Variants in MCTP2 observed in about 807,000 individuals in gnomAD.
MCTP2 encodes multiple C2 and transmembrane domain containing 2, also known as multiple C2 and transmembrane domain-containing protein 2.
A neutral mutation model predicts 111.6 loss-of-function variants in MCTP2; 132 were observed. The observed-to-expected ratio is 1.18, with a 90% CI of 1.03 to 1.37. MCTP2 has a LOEUF of 1.37. Among genes scored for constraint, MCTP2 ranks in the 40% most tolerant of loss-of-function variants. MCTP2 has a pLI of 0.00. For synonymous variants in MCTP2, 395 were observed against 387.7 expected (o/e 1.02, Z -0.22); for missense variants, 1,183 against 1,067.9 (o/e 1.11, Z -1.50).
Position 94,245,488 on chromosome 15 carries a change from A to G in MCTP2, c.-66+13824A>G, listed in dbSNP as rs1362077907. Among the ~76,000 whole-genome samples the G allele has an allele frequency of 2.1e-5, 3 of 140,962 alleles. No homozygotes were observed. In the Admixed American group the frequency reaches 2.2e-4, roughly 10 times the overall value. 92.5% of individuals were successfully genotyped at this position (140,962 alleles called of 152,430 possible). ...TATACATATATGTATATATACATAC[A>G]TGTATGTATTTATATATGTATACAT... On this transcript the variant is annotated intron_variant, in intron 1 of 22. Transcript: ENST00000357742.
At chr15:94,246,091 C>T (rs1022645072) in intron 1 of MCTP2, among the ~76,000 whole-genome samples, 3 of 151,940 alleles carry the variant, frequency 2.0e-5, no homozygotes, top group African/African-American at 7.3e-5. Flanking sequence ...GGGGAGAGGT[C>T]GTCACTTTTA....
At chr15:94,388,387 T>C (rs947408472) in intron 14 of MCTP2, among the ~76,000 whole-genome samples, 1 of 152,202 alleles carries the variant, frequency 6.6e-6, no homozygotes, top group Non-Finnish European at 1.5e-5. Context: ...GAAGTGATCA[T>C]ATCTTCTAGT....
At chr15:94,341,574 A>T (rs2077642916) in intron 7 of MCTP2, 1 of 152,190 alleles carries the variant, frequency 6.6e-6, no homozygotes, top group South Asian at 2.1e-4. Context: ...ATTTATAATT[A>T]GGTCTCCAGT....
chr15:94,404,305 T>G (rs1183019180), intron 17 of MCTP2, among the ~76,000 whole-genome samples: 1 of 88,690 alleles, frequency 1.1e-5, no homozygotes, highest in Admixed American at 9.2e-5. Flanking sequence ...TTTTTTATTG[T>G]TTTTTTTTTT....
intron 14 of MCTP2, among the ~76,000 whole-genome samples, chr15:94,390,107 T>C (rs1394188909): frequency 8.8e-5 from 3 of 33,970 alleles, no homozygotes; most frequent in African/African-American, 1.5e-4. Context: ...TATATATATA[T>C]ATATATGTAT....
At chr15:94,289,252 T>C (rs1325734914) in intron 1 of MCTP2, among the ~76,000 whole-genome samples, 1 of 152,326 alleles carries the variant, frequency 6.6e-6, no homozygotes, top group Non-Finnish European at 1.5e-5. Flanking sequence ...ATAACTGATA[T>C]ATGGAAGAAC....
At chr15:94,349,350 C>A (rs1460723320) in intron 8 of MCTP2, among the ~76,000 whole-genome samples, 1 of 152,100 alleles carries the variant, frequency 6.6e-6, no homozygotes, top group Non-Finnish European at 1.5e-5. Context: ...CTCAGTTTGC[C>A]CCAAAACCTC....
At position 94,399,021 on chromosome 15, in the gene MCTP2, A is replaced by G. The variant is rs756384292; in HGVS notation, c.1849A>G (p.Lys617Glu). 12 of 1,563,560 alleles carry G rather than the reference A, an allele frequency of 7.7e-6. No homozygotes were observed. The Admixed American group carries it at 1.0e-4, about 13-fold the overall frequency. The change falls in exon 15 of 23, where the codon AAA becomes GAA. Residue 617 changes from lysine (K) to glutamate (E), a missense_variant. Lys to Glu is a moderately conservative substitution (Grantham distance 56, BLOSUM62 1). Transcript: ENST00000357742. ...LKNKDLEQAF[K>E]GVIYLEMDLI... ...GAATAAAGATTTAGAACAAGCTTTT[A>G]AAGGAGTTATTTACTTAGAGATGGA...
intron 17 of MCTP2, among the ~76,000 whole-genome samples, chr15:94,409,190 A>G (rs1347547458): frequency 2.0e-5 from 3 of 152,172 alleles, no homozygotes; most frequent in Non-Finnish European, 4.4e-5. Flanking sequence ...GAATATAAGC[A>G]GGCAGAAAAA....
At chr15:94,349,145 A>G (rs1197193759) in intron 8 of MCTP2, among the ~76,000 whole-genome samples, 3 of 152,160 alleles carry the variant, frequency 2.0e-5, no homozygotes, top group Non-Finnish European at 4.4e-5. Flanking sequence ...ATGCCTTATT[A>G]TGAAGTCTAG....
At chr15:94,347,579 T>G (rs2078051461) in intron 8 of MCTP2, among the ~76,000 whole-genome samples, 1 of 152,180 alleles carries the variant, frequency 6.6e-6, no homozygotes, top group African/African-American at 2.4e-5. Flanking sequence ...GTAAATACAA[T>G]GAGATTGCCT....
intron 10 of MCTP2, 77 bp downstream of exon 10, chr15:94,358,689 T>G: frequency 6.5e-7 from 1 of 1,546,592 alleles, no homozygotes; most frequent in East Asian, 2.3e-5. Flanking sequence ...CTTTATCTGT[T>G]AGGGCTGAGG....
chr15:94,336,203 G>A (rs2077351838), intron 4 of MCTP2, among the ~76,000 whole-genome samples: 1 of 151,994 alleles, frequency 6.6e-6, no homozygotes, highest in East Asian at 1.9e-4. Context: ...TCCCTCCTTC[G>A]CTGTTGGAGC....
intron 11 of MCTP2, among the ~76,000 whole-genome samples, chr15:94,368,585 G>A (rs1055174663): frequency 6.6e-6 from 1 of 151,522 alleles, no homozygotes; most frequent in African/African-American, 2.4e-5. Flanking sequence ...CTGTGTAGAT[G>A]TATTGATTAA....
intron 15 of MCTP2, 79 bp downstream of exon 15, chr15:94,399,141 A>G: frequency 1.4e-6 from 1 of 738,648 alleles, no homozygotes; most frequent in Non-Finnish European, 2.4e-6. Context: ...GCTCAAATCA[A>G]TGTAAGATGT....
At chr15:94,240,073 T>G (rs946693620) in intron 1 of MCTP2, among the ~76,000 whole-genome samples, 7 of 152,092 alleles carry the variant, frequency 4.6e-5, no homozygotes, top group South Asian at 2.1e-4. Flanking sequence ...GTAGTTTTTT[T>G]TTTGTTTGTT....
intron 17 of MCTP2, 43 bp from the exon 18 acceptor site, chr15:94,440,133 G>T: frequency 6.2e-7 from 1 of 1,606,920 alleles, no homozygotes; most frequent in South Asian, 1.1e-5. Context: ...CTCCCCTAGT[G>T]TTTTATCAAG....
chr15:94,433,283 T>G (rs2083289608), intron 17 of MCTP2, among the ~76,000 whole-genome samples: 1 of 152,198 alleles, frequency 6.6e-6, no homozygotes. Context: ...CAGATAAATT[T>G]TAGGATAGAA....
intron 12 of MCTP2, among the ~76,000 whole-genome samples, chr15:94,374,261 A>C (rs570083156): frequency 6.6e-6 from 1 of 152,340 alleles, no homozygotes; most frequent in South Asian, 2.1e-4. Context: ...AAATTGTTAG[A>C]GAATTGAAAT....
Sources: gnomAD v4.1 joint callset for allele counts (sites outside exome capture counted in the v4.1 genomes callset) on GRCh38, gnomAD v4.1.1 for gene constraint, MANE v1.5 for transcripts, NCBI Gene and HGNC (gene_info 2026-07-23, HGNC 2026-07-21) for gene names.